CDK5RAP1: variants seen among roughly 807,000 people sequenced by gnomAD.
CDK5RAP1 encodes the protein mitochondrial tRNA methylthiotransferase CDK5RAP1.
In CDK5RAP1, 62 loss-of-function variants were observed where a neutral mutation model predicts 64.5. The observed-to-expected ratio is 0.96, with a 90% CI of 0.78 to 1.19. CDK5RAP1 has a LOEUF of 1.19. CDK5RAP1 is among the 50% of genes most tolerant of loss of function. The pLI is 0.00. For synonymous variants in CDK5RAP1, 250 were observed against 261.9 expected, an observed-to-expected ratio of 0.95 and a Z score of 0.44; for missense variants, 657 against 735.0, an observed-to-expected ratio of 0.89 and a Z score of 1.23.
chr20:33,383,310 G>T (rs914198641), intron 7 of CDK5RAP1, among the ~76,000 whole-genome samples: 2 of 151,476 alleles, frequency 1.3e-5, no homozygotes, highest in African/African-American at 2.4e-5. Context: ...TTTTCAATAA[G>T]AAAAAAATAA....
intron 5 of CDK5RAP1, 46 bp downstream of exon 5, chr20:33,392,096 A>G (rs371135820): frequency 9.1e-6 from 11 of 1,204,664 alleles, no homozygotes; most frequent in Non-Finnish European, 1.3e-5. Flanking sequence ...AAAGCCACAT[A>G]AAGTCCAAGT....
Position 33,374,146 on chromosome 20 carries a change from T to G in CDK5RAP1, c.1174A>C (p.Ser392Arg), listed in dbSNP as rs1422333903. Reference protein sequence around the residue: ...KQIHLPAQSGSSRVLEAMRRG... With the variant: ...KQIHLPAQSGRSRVLEAMRRG... ...CGCATGGCCTCCAACACACGGCTGCTTCCACTCTGGGCTGGCAGGTGGATC... is the reference window on the plus strand; with the variant it reads ...CGCATGGCCTCCAACACACGGCTGCGTCCACTCTGGGCTGGCAGGTGGATC... The change falls in exon 9 of 14, where the codon AGC becomes CGC. Residue 392 changes from serine (S) to arginine (R), a missense_variant. Coordinates refer to ENST00000346416, the MANE Select transcript of CDK5RAP1 (RefSeq NM_016408.4). 1 of 1,613,968 alleles carries G rather than the reference T, an allele frequency of 6.2e-7. No homozygotes were observed. The highest frequency in any genetic ancestry group is 8.5e-7 in the Non-Finnish European group (1 of 1,179,820).
At chr20:33,400,699 T>C (rs1054336656) in intron 1 of CDK5RAP1, among the ~76,000 whole-genome samples, 10 of 152,058 alleles carry the variant, frequency 6.6e-5, no homozygotes, top group Admixed American at 5.2e-4. Flanking sequence ...CCTGTAATCC[T>C]AGCTACCCAG....
rs1985319268 is a variant in CDK5RAP1, at chr20:33,372,933, G to C, written c.1206-236C>G. On this transcript the variant is annotated intron_variant, in intron 9 of 13. Coordinates refer to ENST00000346416, the MANE Select transcript of CDK5RAP1 (RefSeq NM_016408.4). The stretch of plus-strand genomic sequence containing the variant: ...ATAAACTTTTTTTTTTTTTTTTTGA[G>C]ACAGAGTCTCGCTCTGTCTCTCAGG... The C allele has an allele frequency of 1.4e-5, 4 of 280,802 alleles. No homozygotes were observed. The South Asian group carries it at 2.6e-4, about 18-fold the overall frequency. 17.4% of individuals were successfully genotyped at this position (280,802 alleles called of 1,614,324 possible). A position where few individuals can be genotyped will look rare whatever the true frequency, so the allele number is the denominator to read the frequency against.
At chr20:33,392,462 ATT>A (rs1202756640) in intron 4 of CDK5RAP1, among the ~76,000 whole-genome samples, 230 of 118,954 alleles carry the variant, frequency 1.9e-3, no homozygotes, top group African/African-American at 3.8e-3. Context: ...TTTGGGGGGG[ATT>A]TTTTTTTTTT....
chr20:33,359,541 A>C, intron 13 of CDK5RAP1: 1 of 173,360 alleles, frequency 5.8e-6, no homozygotes, highest in Non-Finnish European at 1.2e-5. Context: ...TGTGACCCCA[A>C]AGTTATCTGT....
chr20:33,379,348 C>T, intron 8 of CDK5RAP1, 113 bp downstream of exon 8: 1 of 704,640 alleles, frequency 1.4e-6, no homozygotes, highest in Non-Finnish European at 2.4e-6. Flanking sequence ...GCAGCAATAC[C>T]CCACAGGATC....
intron 5 of CDK5RAP1, among the ~76,000 whole-genome samples, chr20:33,389,213 G>A (rs1411854625): frequency 6.6e-6 from 1 of 151,928 alleles, no homozygotes; most frequent in East Asian, 1.9e-4. Flanking sequence ...CGTCTGAGAT[G>A]TGGGGAGTGC....
At chr20:33,371,477 G>C (rs1355254611) in intron 10 of CDK5RAP1, among the ~76,000 whole-genome samples, 1 of 152,060 alleles carries the variant, frequency 6.6e-6, no homozygotes. Flanking sequence ...CAAAACGAAA[G>C]TATTTGTCCA....
chr20:33,381,207 CAT>C (rs559808525), intron 7 of CDK5RAP1, among the ~76,000 whole-genome samples: 80 of 111,138 alleles, frequency 7.2e-4, no homozygotes, highest in African/African-American at 2.3e-3. Context: ...TCTCAACACA[CAT>C]ATGACTACAT....
At chr20:33,388,231 T>C (rs919152187) in intron 5 of CDK5RAP1, among the ~76,000 whole-genome samples, 1 of 152,204 alleles carries the variant, frequency 6.6e-6, no homozygotes, top group Non-Finnish European at 1.5e-5. Context: ...TTCTAGCCTA[T>C]AATACTTGCT....
intron 5 of CDK5RAP1, among the ~76,000 whole-genome samples, chr20:33,388,933 G>T (rs941532902): frequency 1.3e-5 from 2 of 152,168 alleles, no homozygotes; most frequent in African/African-American, 4.8e-5. Context: ...AGTGCTCAAT[G>T]TTGCCAGGCT....
At chr20:33,381,947 T>C (rs1344737398) in intron 7 of CDK5RAP1, among the ~76,000 whole-genome samples, 1 of 152,136 alleles carries the variant, frequency 6.6e-6, no homozygotes, top group Non-Finnish European at 1.5e-5. Context: ...ACTGGCAAAA[T>C]CCAAATAAAG....
intron 13 of CDK5RAP1, 130 bp from the exon 14 acceptor site, chr20:33,359,253 G>A: frequency 1.5e-6 from 1 of 652,252 alleles, no homozygotes; most frequent in South Asian, 1.8e-5. Context: ...AGACCACATG[G>A]CTCCTGTGTG....
intron 7 of CDK5RAP1, among the ~76,000 whole-genome samples, chr20:33,383,739 CT>C (rs1293113226): frequency 1.1e-5 from 1 of 90,352 alleles, no homozygotes; most frequent in African/African-American, 3.7e-5. Flanking sequence ...AAAACTCTGT[CT>C]CAAAAAAAAA....
intron 7 of CDK5RAP1, among the ~76,000 whole-genome samples, chr20:33,384,299 G>C (rs182919386): frequency 3.2e-4 from 48 of 152,294 alleles, no homozygotes; most frequent in African/African-American, 1.1e-3. Flanking sequence ...TCACTTTAAT[G>C]TTATTAAGTT....
rs1029730917 is a variant in CDK5RAP1 at position 33,394,925 on chromosome 20, C to A, written c.408+88G>T. 1.5e-5 allele frequency: 12 copies of A among 799,564 alleles called. No homozygotes were observed. The African/African-American group carries it at 1.7e-4, about 11-fold the overall frequency. The allele number at this position is 799,564 out of a possible 1,614,324, so 49.5% of individuals were successfully genotyped here. A position where few individuals can be genotyped will look rare whatever the true frequency, so the allele number is the denominator to read the frequency against. On this transcript the variant is annotated intron_variant, in intron 3 of 13. Transcript: ENST00000346416. ...GGAACTCTCTCTCACCAGGGGGCAC[C>A]CTGCTCCTGAAACTACACCTAAGAA...
intron 8 of CDK5RAP1, among the ~76,000 whole-genome samples, chr20:33,378,051 T>A (rs1672162280): frequency 6.6e-6 from 1 of 152,224 alleles, no homozygotes; most frequent in South Asian, 2.1e-4. Context: ...ACTTTTCCTT[T>A]GCATTTACAA....
At position 33,388,427 on chromosome 20, in the gene CDK5RAP1, G is replaced by A. The variant is rs1416792216; in HGVS notation, c.545-894C>T. 2.6e-5 allele frequency among the ~76,000 whole-genome samples: 4 copies of A among 152,100 alleles called. No individual in the cohort carries two copies. The East Asian group carries it at 7.7e-4, about 29-fold the overall frequency. On this transcript the variant is annotated intron_variant, in intron 5 of 13. Coordinates refer to ENST00000346416, the MANE Select transcript of CDK5RAP1 (RefSeq NM_016408.4). ...CTATTATCCACAATAGCCAAAAGGT[G>A]CAAGCAACCCAAGTGTCTATTAATG...
Sources: gnomAD v4.1 joint callset for allele counts (sites outside exome capture counted in the v4.1 genomes callset) on GRCh38, gnomAD v4.1.1 for gene constraint, MANE v1.5 for transcripts, NCBI Gene and HGNC (gene_info 2026-07-23, HGNC 2026-07-21) for gene names.